The following OXA1L variants were observed in gnomAD, a reference collection of about 807,000 sequenced individuals.
OXA1L encodes the protein OXA1L mitochondrial inner membrane insertase.
Under a neutral mutation model 52.2 loss-of-function variants are expected in OXA1L, and 42 were observed. That is an observed-to-expected ratio of 0.80 (90% confidence interval 0.63 to 1.04). OXA1L has a LOEUF of 1.04. OXA1L is among the 50% of genes least tolerant of loss of function. OXA1L has a pLI of 0.00. For missense variants in OXA1L, 572 were observed against 555.0 expected, an observed-to-expected ratio of 1.03 and a Z score of -0.31; for synonymous variants, 239 against 201.9, an observed-to-expected ratio of 1.18 and a Z score of -1.56.
Position 22,771,343 on chromosome 14 carries a change from C to T in OXA1L, c.1178C>T (p.Ala393Val). 1 of 1,614,158 alleles carries T rather than the reference C, an allele frequency of 6.2e-7. No homozygotes were observed. Among genetic ancestry groups the T allele is most frequent in the Admixed American group, 1.7e-5 (1 of 60,026 alleles). Residue 393 changes from alanine (A) to valine (V), a missense_variant, in exon 9 of 10, where the codon GCC (alanine) becomes GTC (valine). Physicochemically the swap from Ala to Val is moderately conservative, Grantham distance 64. Transcript: ENST00000612549. ...QRMRNQLELA[A>V]RGPLRQTFTH... is the part of the protein sequence containing the mutation. ...ATGCGGAATCAGTTGGAGCTAGCAGCCAGGGGTAAATAGTCCTTTCAGGCC... is the reference window on the plus strand; with the variant it reads ...ATGCGGAATCAGTTGGAGCTAGCAGTCAGGGGTAAATAGTCCTTTCAGGCC...
chr14:22,770,158 G>A (rs745556127), intron 4 of OXA1L, 35 bp from the exon 5 acceptor site: 2 of 1,493,132 alleles, frequency 1.3e-6, no homozygotes, highest in Non-Finnish European at 1.9e-6. Context: ...TGATGTAACT[G>A]TTACCCCAAC....
chr14:22,771,245 C>G, intron 8 of OXA1L, 23 bp from the exon 9 acceptor site: 1 of 1,613,370 alleles, frequency 6.2e-7, no homozygotes, highest in Non-Finnish European at 8.5e-7. Context: ...ATGCAACTGA[C>G]TCTCTTGCTT....
intron 6 of OXA1L, 79 bp downstream of exon 6, chr14:22,770,704 T>C (rs1205472945): frequency 6.4e-7 from 1 of 1,554,334 alleles, no homozygotes; most frequent in South Asian, 1.1e-5. Context: ...AGAATGGTCA[T>C]CCTTCACTTG....
rs1341622056 is a variant in OXA1L at position 22,772,539 on chromosome 14, A to G, written c.*981A>G. ...AAAAAACAGTTTAAACTTCCAACCC[A>G]TGCATGTGTTGTTCTATGCACATTT... On this transcript the variant is annotated 3_prime_UTR_variant, in exon 10 of 10. Transcript: ENST00000612549. The G allele has an allele frequency of 1.4e-5, 2 of 146,670 alleles. No individual in the cohort carries two copies. Among genetic ancestry groups the G allele is most frequent in the African/African-American group, 5.0e-5 (2 of 39,642 alleles). 9.1% of individuals were successfully genotyped at this position (146,670 alleles called of 1,614,324 possible). A position where few individuals can be genotyped will look rare whatever the true frequency, so the allele number is the denominator to read the frequency against.
In OXA1L at chr14:22,772,235, G is replaced by T. The variant is rs1440764254; in HGVS notation, c.*677G>T. On this transcript the variant is annotated 3_prime_UTR_variant, in exon 10 of 10. Transcript: ENST00000612549. ...GCAGTGGCTCACGCCAGTAATCCCA[G>T]CACTTTTGGGAGGCCAAGGCGGGCG... 3 of 114,344 alleles carry T rather than the reference G, an allele frequency of 2.6e-5. No homozygotes were observed. The highest frequency in any genetic ancestry group is 2.5e-4 in the Admixed American group (3 of 11,784). 7.1% of individuals were successfully genotyped at this position (114,344 alleles called of 1,614,324 possible).
In OXA1L at chr14:22,771,628, C is replaced by A; in HGVS notation, c.*70C>A. The A allele has an allele frequency of 1.3e-6, 2 of 1,522,554 alleles. No individual in the cohort carries two copies. Among genetic ancestry groups the A allele is most frequent in the Non-Finnish European group, 1.8e-6 (2 of 1,099,194 alleles). The allele number at this position is 1,522,554 out of a possible 1,614,324, so 94.3% of individuals were successfully genotyped here. ...GACTCATCCTCAAAACAAGACTTGACACTGTGTCCTTGCCCCAGTCCTAGG... is the reference window on the plus strand; with the variant it reads ...GACTCATCCTCAAAACAAGACTTGAAACTGTGTCCTTGCCCCAGTCCTAGG... On this transcript the variant is annotated 3_prime_UTR_variant, in exon 10 of 10. Coordinates refer to ENST00000612549, the MANE Select transcript of OXA1L (RefSeq NM_005015.5).
Position 22,766,753 on chromosome 14 carries a change from T to G in OXA1L, c.52T>G (p.Ser18Ala). 6.2e-7 allele frequency: 1 copy of G among 1,614,200 alleles called. No individual in the cohort carries two copies. Among genetic ancestry groups the G allele is most frequent in the Non-Finnish European group, 8.5e-7 (1 of 1,180,042 alleles). The change falls in exon 1 of 10, where the codon TCC (serine) becomes GCC (alanine). Residue 18 changes from serine to alanine, a missense_variant. By Grantham distance (99) the Ser-to-Ala change is moderately conservative. This residue lies in a region of OXA1L where 186 missense variants were observed against 151.8 expected (regional missense o/e 1.23). Coordinates refer to ENST00000612549, the MANE Select transcript of OXA1L (RefSeq NM_005015.5). ...GRRELLRLLQ[S>A]GRRVHSVAGP... is the part of the protein sequence containing the mutation. ...CCGGGAGCTTCTGCGCTTGCTACAGTCCGGGCGTCGGGTAAGGATGCCCCG... is the reference window on the plus strand; with the variant it reads ...CCGGGAGCTTCTGCGCTTGCTACAGGCCGGGCGTCGGGTAAGGATGCCCCG...
At chr14:22,769,297 T>C (rs1320510115) in intron 3 of OXA1L, among the ~76,000 whole-genome samples, 1 of 152,236 alleles carries the variant, frequency 6.6e-6, no homozygotes, top group African/African-American at 2.4e-5. Context: ...AGTGAGAACA[T>C]GGCGATGTTC....
Position 22,767,317 on chromosome 14 carries a change from G to GCC in OXA1L, c.136_137dup (p.Cys47ArgfsTer57). On this transcript the variant is annotated frameshift_variant, in exon 2 of 10. Transcript: ENST00000612549. LOFTEE classifies it high-confidence loss of function. ...GACCACACGGCTCCTATTCCCAGCA[G>GCC]CCCCGTGCTGCTGTCGCCCACACTA... 1 of 1,613,774 alleles carries GCC rather than the reference G, an allele frequency of 6.2e-7. No homozygotes were observed. The highest frequency in any genetic ancestry group is 8.5e-7 in the Non-Finnish European group (1 of 1,179,910).
In OXA1L at chr14:22,767,050, A is replaced by C. The variant is rs996494815; in HGVS notation, c.64-198A>C. On this transcript the variant is annotated intron_variant, in intron 1 of 9. Coordinates refer to ENST00000612549, the MANE Select transcript of OXA1L (RefSeq NM_005015.5). ...GCGATAACTGAGATGCGGGGAACCC[A>C]GGTTCGAGCTTCGCTCTGCAGGCAC... 6.5e-6 allele frequency: 10 copies of C among 1,536,044 alleles called. No homozygotes were observed. In the African/African-American group the frequency reaches 1.4e-4, roughly 21 times the overall value.
In OXA1L at chr14:22,766,698, C is replaced by G. The variant is rs2038406342; in HGVS notation, c.-4C>G. On this transcript the variant is annotated 5_prime_UTR_variant, in exon 1 of 10. Transcript: ENST00000612549. ...GCGCAAAAGCAAGTCCTCTTCCGGG[C>G]AAAATGGCGATGGGACTAATGTGCG... 1.2e-6 allele frequency: 2 copies of G among 1,614,270 alleles called. No individual in the cohort carries two copies. Among genetic ancestry groups the G allele is most frequent in the East Asian group, 4.5e-5 (2 of 44,892 alleles).
rs761799027 is a variant in OXA1L, at chr14:22,769,781, T to A, written c.440-10T>A. On this transcript the variant is annotated splice_polypyrimidine_tract_variant and intron_variant, in intron 3 of 9. Coordinates refer to ENST00000612549, the MANE Select transcript of OXA1L (RefSeq NM_005015.5). ...TTAATTTCACTCCAATCCTAGTTTG[T>A]ATTTTCCAGGTACAGTCTTTGCCCG... is the stretch of plus-strand genomic sequence containing the variant. The A allele has an allele frequency of 1.2e-6, 2 of 1,614,206 alleles. No homozygotes were observed. The highest frequency in any genetic ancestry group is 4.5e-5 in the East Asian group (2 of 44,892).
Position 22,771,098 on chromosome 14 carries a change from T to C in OXA1L, c.1020T>C (p.Thr340=). 1.2e-6 allele frequency: 2 copies of C among 1,614,134 alleles called. No individual in the cohort carries two copies. Among genetic ancestry groups the C allele is most frequent in the Non-Finnish European group, 1.7e-6 (2 of 1,179,988 alleles). ...VSCLRIPAVR[T]VLKIPQRVVH... ...GTCTCCGGATTCCAGCAGTACGCAC[T>C]GTACTTAAAATCCCCCAGCGTGTTG... Residue 340 remains threonine, a synonymous_variant, in exon 8 of 10, where the codon ACT becomes ACC. Transcript: ENST00000612549.
intron 3 of OXA1L, 129 bp downstream of exon 3, chr14:22,768,300 G>GATACCT: frequency 1.4e-6 from 1 of 691,336 alleles, no homozygotes; most frequent in East Asian, 2.7e-5. Flanking sequence ...ATGAGCAATA[G>GATACCT]AGGTTCATGA....
At position 22,770,241 on chromosome 14, in the gene OXA1L, T is replaced by C; in HGVS notation, c.632T>C (p.Ile211Thr). The change falls in exon 5 of 10, where the codon ATT (isoleucine) becomes ACT (threonine). Residue 211 changes from isoleucine (I) to threonine (T), a missense_variant. This residue lies in a region of OXA1L where 132 missense variants were observed against 124.0 expected (regional missense o/e 1.06). Transcript: ENST00000612549. ...GCACTTTACCAGAAAAAACATGGTA[T>C]TAAACTCTATAAACCTCTCATTCTC... ...EMALYQKKHG[I>T]KLYKPLILPV... 6.2e-7 allele frequency: 1 copy of C among 1,612,440 alleles called. No individual in the cohort carries two copies.
chr14:22,768,475 G>C (rs2038429832), intron 3 of OXA1L: 1 of 364,294 alleles, frequency 2.7e-6, no homozygotes, highest in African/African-American at 2.0e-5. Flanking sequence ...GTTCAGGTCA[G>C]GCACTTAAAC....
At position 22,770,298 on chromosome 14, in the gene OXA1L, T is replaced by C. The variant is rs1426933611; in HGVS notation, c.669+20T>C. 1 of 1,573,636 alleles carries C rather than the reference T, an allele frequency of 6.4e-7. No individual in the cohort carries two copies. The highest frequency in any genetic ancestry group is 2.2e-5 in the East Asian group (1 of 44,702). ...ACTCAGGTGAGCAAAAACATTTCCT[T>C]CCTTATTTCATCCAGTACCCATGAA... On this transcript the variant is annotated intron_variant, in intron 5 of 9. Coordinates refer to ENST00000612549, the MANE Select transcript of OXA1L (RefSeq NM_005015.5).
At chr14:22,766,965 T>G (rs186239585) in intron 1 of OXA1L, 1 of 1,520,976 alleles carries the variant, frequency 6.6e-7, no homozygotes, top group East Asian at 2.4e-5. Context: ...CTTCTGGAAT[T>G]GGCTTGGCTC....
At chr14:22,767,490 G>T in intron 2 of OXA1L, 81 bp downstream of exon 2, 1 of 1,241,428 alleles carries the variant, frequency 8.1e-7, no homozygotes. Flanking sequence ...GGGAGCAGGG[G>T]GAATATGGAG....
Sources: allele counts gnomAD v4.1 joint callset (sites outside exome capture counted in the v4.1 genomes callset), GRCh38; gene constraint gnomAD v4.1.1; regional missense constraint gnomAD v4.1.1; transcripts MANE v1.5; gene names NCBI Gene and HGNC (gene_info 2026-07-23, HGNC 2026-07-21).